The following CAMTA1 variants were observed in gnomAD, a reference collection of about 807,000 sequenced individuals.
The protein encoded by CAMTA1 is calmodulin-binding transcription activator 1.
A neutral mutation model predicts 170.9 loss-of-function variants in CAMTA1; 27 were observed. That is an observed-to-expected ratio of 0.16 (90% confidence interval 0.12 to 0.22). The LOEUF (loss-of-function observed/expected upper bound fraction) is 0.22. Among genes scored for constraint, CAMTA1 ranks in the 10% least tolerant of loss-of-function variants. The probability of loss-of-function intolerance (pLI) is 1.00; values close to 1 mark genes in which losing one functional copy is unlikely to be tolerated. For missense variants in CAMTA1, 1,619 were observed against 2,217.2 expected, an observed-to-expected ratio of 0.73 and a Z score of 5.42; for synonymous variants, 833 against 891.5, an observed-to-expected ratio of 0.93 and a Z score of 1.17.
At chr1:6,862,502 G>A (rs115194237) in intron 3 of CAMTA1, among the ~76,000 whole-genome samples, 70 of 152,316 alleles carry the variant, frequency 4.6e-4, no homozygotes, top group African/African-American at 1.6e-3. Context: ...AGAGCCAGAC[G>A]TCTTGAAAGA....
chr1:6,807,411 C>A (rs1225938553), intron 1 of CAMTA1, among the ~76,000 whole-genome samples: 1 of 152,140 alleles, frequency 6.6e-6, no homozygotes, highest in Non-Finnish European at 1.5e-5. Context: ...CAGATACTTA[C>A]ATGAAAACAT....
At chr1:7,697,505 G>A (rs1301664781) in intron 11 of CAMTA1, among the ~76,000 whole-genome samples, 1 of 152,144 alleles carries the variant, frequency 6.6e-6, no homozygotes, top group Non-Finnish European at 1.5e-5. Flanking sequence ...CCGCTTTTTA[G>A]TATCCTGCTC....
At chr1:7,428,845 T>C (rs1037871259) in intron 5 of CAMTA1, among the ~76,000 whole-genome samples, 4 of 152,206 alleles carry the variant, frequency 2.6e-5, no homozygotes, top group African/African-American at 4.8e-5. Flanking sequence ...GTCTGATTCC[T>C]GCAGCTAGCA....
intron 4 of CAMTA1, among the ~76,000 whole-genome samples, chr1:7,133,767 G>A (rs1242105963): frequency 6.6e-6 from 1 of 152,136 alleles, no homozygotes. Flanking sequence ...GTCCTTTCCT[G>A]AGGTTACTAC....
intron 6 of CAMTA1, among the ~76,000 whole-genome samples, chr1:7,476,956 C>T (rs1343421872): frequency 1.3e-5 from 2 of 152,216 alleles, no homozygotes; most frequent in African/African-American, 2.4e-5. Flanking sequence ...CCCCGCCATG[C>T]AGAGGGAAGG....
rs888734431 is a variant in CAMTA1, at chr1:6,820,310, T to A, written c.115+60T>A. 7.6e-6 allele frequency: 12 copies of A among 1,568,758 alleles called. No homozygotes were observed. In the African/African-American group the frequency reaches 1.6e-4, roughly 21 times the overall value. ...GGGTGGGCTTGGCAGTGGCAGTAAT[T>A]ATCATCTAGTACAGTGGAAACAGCC... On this transcript the variant is annotated intron_variant, in intron 2 of 22. Coordinates refer to ENST00000303635, the MANE Select transcript of CAMTA1 (RefSeq NM_015215.4).
intron 1 of CAMTA1, among the ~76,000 whole-genome samples, chr1:6,804,749 G>T (rs1167762702): frequency 6.6e-6 from 1 of 151,878 alleles, no homozygotes; most frequent in African/African-American, 2.4e-5. Context: ...AGAGATGGGG[G>T]TCTCGCCATG....
chr1:7,227,790 G>A (rs1371851978), intron 4 of CAMTA1, among the ~76,000 whole-genome samples: 2 of 152,178 alleles, frequency 1.3e-5, no homozygotes, highest in Non-Finnish European at 2.9e-5. Flanking sequence ...TGCTGCAACA[G>A]GATTGTATGC....
intron 4 of CAMTA1, among the ~76,000 whole-genome samples, chr1:7,218,882 C>T (rs1660224640): frequency 6.6e-6 from 1 of 151,908 alleles, no homozygotes; most frequent in Non-Finnish European, 1.5e-5. Flanking sequence ...TGTTTTTGTT[C>T]TTCTTGTTGA....
At chr1:6,813,409 T>C (rs895420548) in intron 1 of CAMTA1, among the ~76,000 whole-genome samples, 1 of 151,808 alleles carries the variant, frequency 6.6e-6, no homozygotes, top group Non-Finnish European at 1.5e-5. Context: ...AATTGTGCTC[T>C]AGCCCCCAGT....
rs147116849 is a variant in CAMTA1, at chr1:6,980,478, T to C, written c.235-110826T>C. On this transcript the variant is annotated intron_variant, in intron 3 of 22. Coordinates refer to ENST00000303635, the MANE Select transcript of CAMTA1 (RefSeq NM_015215.4). Reference sequence around the variant, plus strand: ...ATCTTCATTCTTCATGGGGCAGATCTGGAAATTGAGGCCCTAGAGGGACGT... The same window carrying C: ...ATCTTCATTCTTCATGGGGCAGATCCGGAAATTGAGGCCCTAGAGGGACGT... Among the ~76,000 whole-genome samples the C allele has an allele frequency of 2.8e-3, 420 of 152,320 alleles. 1 individual carries two copies. Among genetic ancestry groups the C allele is most frequent in the Non-Finnish European group, 3.8e-3 (256 of 68,038 alleles).
intron 5 of CAMTA1, among the ~76,000 whole-genome samples, chr1:7,258,627 T>C (rs1054631893): frequency 6.6e-6 from 1 of 152,186 alleles, no homozygotes; most frequent in African/African-American, 2.4e-5. Context: ...AAGACCATAA[T>C]AGATACTTTT....
chr1:7,712,113 ATATT>A (rs1384016396), intron 11 of CAMTA1, among the ~76,000 whole-genome samples: 3 of 152,356 alleles, frequency 2.0e-5, no homozygotes, highest in Middle Eastern at 3.4e-3. Flanking sequence ...TCGCATTTAT[ATATT>A]AAGTGATGCT....
intron 4 of CAMTA1, among the ~76,000 whole-genome samples, chr1:7,124,615 G>T (rs933040464): frequency 3.3e-5 from 5 of 152,196 alleles, no homozygotes; most frequent in African/African-American, 1.2e-4. Context: ...TCCAGATGGG[G>T]GATGCCCAAT....
rs998592422 is a variant in CAMTA1 at position 7,482,050 on chromosome 1, T to C, written c.510+14149T>C. Among the ~76,000 whole-genome samples, 3 of 152,130 alleles carry C rather than the reference T, an allele frequency of 2.0e-5. No homozygotes were observed. Among genetic ancestry groups the C allele is most frequent in the African/African-American group, 7.2e-5 (3 of 41,420 alleles). ...CACTATAGGTTCATTTTTTCTGTTC[T>C]AGAACTTCGTAGAACTGGAATCCTG... is the stretch of plus-strand genomic sequence containing the variant. On this transcript the variant is annotated intron_variant, in intron 6 of 22. Transcript: ENST00000303635. This position sits in a 1 kb window ranked among gnomAD's most constrained non-coding sequence, Gnocchi z 4.2.
intron 6 of CAMTA1, among the ~76,000 whole-genome samples, chr1:7,607,356 T>C (rs2095494264): frequency 6.7e-6 from 1 of 149,594 alleles, no homozygotes; most frequent in Non-Finnish European, 1.5e-5. Flanking sequence ...AGATGGAAGA[T>C]AGGTGGATGG....
intron 5 of CAMTA1, among the ~76,000 whole-genome samples, chr1:7,310,671 C>CTTTCTTT (rs59687486): frequency 6.0e-5 from 2 of 33,320 alleles, no homozygotes; most frequent in African/African-American, 1.6e-4. Context: ...TTCTTTCTTT[C>CTTTCTTT]CTTTCTTTCT....
intron 4 of CAMTA1, among the ~76,000 whole-genome samples, chr1:7,190,454 AATC>A (rs1654306874): frequency 6.6e-6 from 1 of 152,200 alleles, no homozygotes; most frequent in African/African-American, 2.4e-5. Context: ...TGTAGAAAAT[AATC>A]ATGATGTAAC....
chr1:7,736,532 C>T lies in CAMTA1; in HGVS notation c.3255C>T (p.Ile1085=). 1 of 1,614,122 alleles carries T rather than the reference C, an allele frequency of 6.2e-7. No homozygotes were observed. Residue 1085 remains isoleucine (I), a synonymous_variant, in exon 13 of 23, where the codon ATC becomes ATT. Coordinates refer to ENST00000303635, the MANE Select transcript of CAMTA1 (RefSeq NM_015215.4). The surrounding 1 kb of genome is among the most constrained non-coding windows in gnomAD (Gnocchi z 4.5). ...ATGCCACCCTAATCCAGACCCTCAT[C>T]AAATGGCGGTAAGGCTGTGGTGCAG... ...QGYATLIQTL[I]KWRTKHADSI...
Sources: allele counts gnomAD v4.1 joint callset (sites outside exome capture counted in the v4.1 genomes callset), GRCh38; gene constraint gnomAD v4.1.1; non-coding constraint Gnocchi (gnomAD v3.1); transcripts MANE v1.5; gene names NCBI Gene and HGNC (gene_info 2026-07-23, HGNC 2026-07-21).